Variants in ANGPT1 observed in about 807,000 individuals in gnomAD.
The protein encoded by ANGPT1 is angiopoietin 1, also known as angiopoietin-1.
A neutral mutation model predicts 62.2 loss-of-function variants in ANGPT1; 17 were observed. The observed-to-expected ratio is 0.27, with a 90% CI of 0.19 to 0.41. The LOEUF is 0.41. Among genes scored for constraint, ANGPT1 ranks in the 10% least tolerant of loss-of-function variants. The pLI is 1.00. For missense variants in ANGPT1, 478 were observed against 594.9 expected, an observed-to-expected ratio of 0.80 and a Z score of 2.04; for synonymous variants, 199 against 198.9, an observed-to-expected ratio of 1.00 and a Z score of 0.00.
At chr8:107,358,002 C>T (rs1816083505) in intron 1 of ANGPT1, among the ~76,000 whole-genome samples, 1 of 152,060 alleles carries the variant, frequency 6.6e-6, no homozygotes, top group Admixed American at 6.6e-5. Context: ...TTGTCTTTCT[C>T]TTCTGAAATA....
At chr8:107,385,571 T>C (rs915806112) in intron 1 of ANGPT1, among the ~76,000 whole-genome samples, 5 of 152,128 alleles carry the variant, frequency 3.3e-5, no homozygotes, top group Admixed American at 6.6e-5. Flanking sequence ...TCATATCATC[T>C]GCAAAGAAAG....
chr8:107,365,400 A>G (rs1190045951), intron 1 of ANGPT1, among the ~76,000 whole-genome samples: 1 of 152,184 alleles, frequency 6.6e-6, no homozygotes, highest in Non-Finnish European at 1.5e-5. Flanking sequence ...GCACTTCTTT[A>G]TTTAATCTTA....
intron 1 of ANGPT1, among the ~76,000 whole-genome samples, chr8:107,482,484 C>G (rs1475826007): frequency 6.6e-6 from 1 of 152,214 alleles, no homozygotes; most frequent in Non-Finnish European, 1.5e-5. Context: ...TTCACAACAC[C>G]ATGGCCTTGG....
chr8:107,263,824 C>G (rs1222388321), intron 8 of ANGPT1, among the ~76,000 whole-genome samples: 1 of 152,080 alleles, frequency 6.6e-6, no homozygotes, highest in African/African-American at 2.4e-5. Context: ...CTCATTTCAA[C>G]AAAATGATCA....
chr8:107,432,970 A>G (rs1250853076), intron 1 of ANGPT1, among the ~76,000 whole-genome samples: 1 of 152,218 alleles, frequency 6.6e-6, no homozygotes, highest in Non-Finnish European at 1.5e-5. Context: ...TGTTCTTACA[A>G]AGAGAGTTTT....
At chr8:107,382,050 T>C (rs1816648525) in intron 1 of ANGPT1, among the ~76,000 whole-genome samples, 1 of 152,184 alleles carries the variant, frequency 6.6e-6, no homozygotes, top group Admixed American at 6.5e-5. Context: ...CTCCGTTATT[T>C]CTTCCTGCCT....
chr8:107,383,299 A>G (rs1199219335), intron 1 of ANGPT1, among the ~76,000 whole-genome samples: 1 of 152,180 alleles, frequency 6.6e-6, no homozygotes, highest in African/African-American at 2.4e-5. Flanking sequence ...GCAGAGCTCC[A>G]AGAAAGGGCT....
Position 107,497,528 on chromosome 8 carries a change from C to G in ANGPT1, c.31G>C (p.Ala11Pro). The change falls in exon 1 of 9, where the codon GCT becomes CCT. Residue 11 changes from alanine (A) to proline (P), a missense_variant. Physicochemically the swap from Ala to Pro is conservative, Grantham distance 27. Transcript: ENST00000517746. MTVFLSFAFL[A>P]AILTHIGCSN... ...CACCCTATGTGAGTCAGAATGGCAG[C>G]GAGGAAAGCAAAGGAAAGGAAAACT... The G allele has an allele frequency of 1.2e-6, 2 of 1,614,014 alleles. No individual in the cohort carries two copies. The highest frequency in any genetic ancestry group is 8.5e-7 in the Non-Finnish European group (1 of 1,179,976).
intron 5 of ANGPT1, chr8:107,295,564 C>T (rs1042302060): frequency 3.3e-5 from 5 of 152,048 alleles, no homozygotes; most frequent in Admixed American, 6.6e-5. Flanking sequence ...ATTAAGGAGA[C>T]AGAGTTCACA....
chr8:107,329,465 CT>C (rs775623262), intron 3 of ANGPT1, among the ~76,000 whole-genome samples: 74 of 152,092 alleles, frequency 4.9e-4, no homozygotes, highest in Middle Eastern at 3.4e-3. Context: ...TAAAGGTGGG[CT>C]GAATTAGTGA....
At chr8:107,410,114 G>T (rs1358743348) in intron 1 of ANGPT1, among the ~76,000 whole-genome samples, 1 of 152,160 alleles carries the variant, frequency 6.6e-6, no homozygotes, top group Non-Finnish European at 1.5e-5. Context: ...ACTGGCAGCT[G>T]CTTACACACT....
intron 8 of ANGPT1, among the ~76,000 whole-genome samples, chr8:107,263,316 T>C (rs1349260401): frequency 8.0e-6 from 1 of 124,874 alleles, no homozygotes; most frequent in African/African-American, 3.1e-5. Flanking sequence ...ACAGCACCAC[T>C]GCACTCCAGC....
At chr8:107,447,946 G>C (rs948486305) in intron 1 of ANGPT1, among the ~76,000 whole-genome samples, 3 of 152,206 alleles carry the variant, frequency 2.0e-5, no homozygotes, top group Non-Finnish European at 4.4e-5. Flanking sequence ...TTGAATGTCT[G>C]TTTCTTCTTT....
At chr8:107,380,187 G>A (rs1378093409) in intron 1 of ANGPT1, among the ~76,000 whole-genome samples, 1 of 151,598 alleles carries the variant, frequency 6.6e-6, no homozygotes, top group African/African-American at 2.4e-5. Context: ...GAATAGAGAA[G>A]GAATGCCAAT....
intron 1 of ANGPT1, among the ~76,000 whole-genome samples, chr8:107,407,671 C>G (rs1471472485): frequency 6.6e-6 from 1 of 152,156 alleles, no homozygotes; most frequent in Non-Finnish European, 1.5e-5. Flanking sequence ...TAATAGAAAA[C>G]AGCCAACACT....
At chr8:107,442,482 A>G (rs963795106) in intron 1 of ANGPT1, among the ~76,000 whole-genome samples, 1 of 152,212 alleles carries the variant, frequency 6.6e-6, no homozygotes, top group Non-Finnish European at 1.5e-5. Flanking sequence ...GCTCCTTACT[A>G]GATAACAGAT....
intron 1 of ANGPT1, among the ~76,000 whole-genome samples, chr8:107,420,734 T>C (rs866044579): frequency 1.4e-4 from 21 of 152,286 alleles, no homozygotes; most frequent in Admixed American, 5.9e-4. Context: ...TCACAAGATA[T>C]TGAGTTTAGA....
chr8:107,354,977 C>T (rs958101710), intron 1 of ANGPT1, among the ~76,000 whole-genome samples: 1 of 149,198 alleles, frequency 6.7e-6, no homozygotes, highest in Non-Finnish European at 1.5e-5. Flanking sequence ...GTGGGGCAAT[C>T]TCAGCTCGCT....
chr8:107,497,362 G>T lies in ANGPT1; in HGVS notation c.197C>A (p.Ala66Asp), dbSNP rs1361689240. The change falls in exon 1 of 9, where the codon GCT becomes GAT. Residue 66 changes from alanine (A) to aspartate (D), a missense_variant. Physicochemically the swap from Ala to Asp is moderately radical, Grantham distance 126 (BLOSUM62 -2). Coordinates refer to ENST00000517746, the MANE Select transcript of ANGPT1 (RefSeq NM_001146.5). ...ESTTDQYNTN[A>D]LQRDAPHVEP... ...CACGTGTGGAGCATCTCTCTGCAGA[G>T]CGTTTGTGTTGTACTGGTCTGTCGT... 6.2e-7 allele frequency: 1 copy of T among 1,614,188 alleles called. No homozygotes were observed. Among genetic ancestry groups the T allele is most frequent in the Non-Finnish European group, 8.5e-7 (1 of 1,180,024 alleles).
Sources: gnomAD v4.1 joint callset for allele counts (sites outside exome capture counted in the v4.1 genomes callset) on GRCh38, gnomAD v4.1.1 for gene constraint, MANE v1.5 for transcripts, NCBI Gene and HGNC (gene_info 2026-07-23, HGNC 2026-07-21) for gene names.